Variants in RPE65 observed in about 807,000 individuals in gnomAD.
The protein encoded by RPE65 is retinoid isomerohydrolase.
RPE65 carries 58 observed loss-of-function variants against 68.5 expected under a neutral mutation model. The observed-to-expected ratio is 0.85, with a 90% CI of 0.69 to 1.05. RPE65 has a LOEUF of 1.05. Among genes scored for constraint, RPE65 ranks in the 50% least tolerant of loss-of-function variants. RPE65 has a pLI of 0.00. For synonymous variants in RPE65, 220 were observed against 222.2 expected (o/e 0.99, Z 0.09); for missense variants, 643 against 629.9 (o/e 1.02, Z -0.22).
chr1:68,429,937 A>C lies in RPE65; in HGVS notation c.1451-10T>G, dbSNP rs1488337473. ...ACACTCAGAACTACACCTGTTTATC[A>C]GAAGTAAATTAGGCAATATTGAGTT... is the stretch of plus-strand genomic sequence containing the variant. On this transcript the variant is annotated splice_polypyrimidine_tract_variant and intron_variant, in intron 13 of 13. Coordinates refer to ENST00000262340, the MANE Select transcript of RPE65 (RefSeq NM_000329.3). 1.2e-6 allele frequency: 2 copies of C among 1,613,506 alleles called. No homozygotes were observed. Among genetic ancestry groups the C allele is most frequent in the African/African-American group, 1.3e-5 (1 of 74,906 alleles).
chr1:68,440,727 T>C (rs1645896293), intron 6 of RPE65, 126 bp downstream of exon 6: 2 of 1,246,488 alleles, frequency 1.6e-6, no homozygotes, highest in Non-Finnish European at 2.3e-6. Flanking sequence ...GCAGTACTTC[T>C]GAAGTCTGAG....
At chr1:68,444,968 G>T in intron 3 of RPE65, 85 bp from the exon 4 acceptor site, 1 of 1,085,502 alleles carries the variant, frequency 9.2e-7, no homozygotes, top group Non-Finnish European at 1.4e-6. Flanking sequence ...CATTCTATGT[G>T]TCCTCATCAA....
chr1:68,433,025 T>C (rs1472548868), intron 10 of RPE65, among the ~76,000 whole-genome samples: 1 of 152,036 alleles, frequency 6.6e-6, no homozygotes, highest in Non-Finnish European at 1.5e-5. Flanking sequence ...ACAACAAAGA[T>C]AGGAACTACA....
chr1:68,440,521 A>G (rs900472665), intron 6 of RPE65, among the ~76,000 whole-genome samples: 3 of 152,224 alleles, frequency 2.0e-5, no homozygotes, highest in African/African-American at 7.2e-5. Flanking sequence ...AATTTTGCCT[A>G]GCACATGAAT....
Position 68,446,426 on chromosome 1 carries a change from A to C in RPE65, c.245+284T>G, listed in dbSNP as rs2148138. Among the ~76,000 whole-genome samples, 7,022 of 152,246 alleles carry C rather than the reference A, an allele frequency of 0.046. 303 individuals carry two copies. Among genetic ancestry groups the C allele is most frequent in the African/African-American group, 0.11 (4,645 of 41,516 alleles). On this transcript the variant is annotated intron_variant, in intron 3 of 13. Coordinates refer to ENST00000262340, the MANE Select transcript of RPE65 (RefSeq NM_000329.3). ...TACTAATTATAAAACCAAGAATTGGAGGTCAACATCTTGCCAAGGTTACCC... is the reference window on the plus strand; with the variant it reads ...TACTAATTATAAAACCAAGAATTGGCGGTCAACATCTTGCCAAGGTTACCC...
chr1:68,431,697 G>A (rs1343076862), intron 10 of RPE65, 112 bp from the exon 11 acceptor site: 1 of 863,500 alleles, frequency 1.2e-6, no homozygotes, highest in African/African-American at 1.7e-5. Context: ...AACATGCAGG[G>A]AGGAACTGCA....
At chr1:68,434,470 A>T (rs2100811977) in intron 10 of RPE65, among the ~76,000 whole-genome samples, 1 of 152,192 alleles carries the variant, frequency 6.6e-6, no homozygotes, top group African/African-American at 2.4e-5. Context: ...TTTTCAGAAT[A>T]GGGAAAGGAT....
At chr1:68,433,396 C>T (rs577417659) in intron 10 of RPE65, among the ~76,000 whole-genome samples, 1 of 152,072 alleles carries the variant, frequency 6.6e-6, no homozygotes, top group South Asian at 2.1e-4. Flanking sequence ...AGTGATTTCC[C>T]TGAGAATGTG....
At chr1:68,448,752 A>G in intron 1 of RPE65, 46 bp from the exon 2 acceptor site, 1 of 1,515,712 alleles carries the variant, frequency 6.6e-7, no homozygotes, top group African/African-American at 1.4e-5. Flanking sequence ...TGATGCTCAA[A>G]GTCCGCAGAG....
rs770615371 is a variant in RPE65 at position 68,431,299 on chromosome 1, G to T, written c.1321C>A (p.His441Asn). The T allele has an allele frequency of 6.2e-7, 1 of 1,613,936 alleles. No homozygotes were observed. The highest frequency in any genetic ancestry group is 1.1e-5 in the South Asian group (1 of 91,058). Residue 441 changes from histidine (H) to asparagine (N), a missense_variant, in exon 12 of 14, where the codon CAC (histidine) becomes AAC (asparagine). Coordinates refer to ENST00000262340, the MANE Select transcript of RPE65 (RefSeq NM_000329.3). ...TTAATTACCCTATCTGGAACAAAGT[G>T]ATTCAAGCCAAGTCCATACGCATAT... ...YTYAYGLGLNHFVPDRLCKLN... is the reference protein window; with the variant it reads ...YTYAYGLGLNNFVPDRLCKLN...
chr1:68,431,738 G>A (rs1372344472), intron 10 of RPE65, among the ~76,000 whole-genome samples, 153 bp from the exon 11 acceptor site: 3 of 151,960 alleles, frequency 2.0e-5, no homozygotes, highest in Non-Finnish European at 4.4e-5. Context: ...CCTGGGACGC[G>A]ACTGGGCAAG....
chr1:68,434,320 T>C (rs930849919), intron 10 of RPE65, among the ~76,000 whole-genome samples: 3 of 152,056 alleles, frequency 2.0e-5, no homozygotes, highest in Admixed American at 2.0e-4. Flanking sequence ...CCCTGGAAAT[T>C]ACTGTTGGGG....
intron 2 of RPE65, among the ~76,000 whole-genome samples, chr1:68,447,881 C>A (rs561089527): frequency 4.7e-5 from 7 of 149,566 alleles, no homozygotes; most frequent in Admixed American, 4.0e-4. Flanking sequence ...AACAAAAAAA[C>A]AAACAAAAAA....
chr1:68,448,000 G>A (rs900999161), intron 2 of RPE65, among the ~76,000 whole-genome samples: 6 of 152,164 alleles, frequency 3.9e-5, no homozygotes, highest in African/African-American at 1.2e-4. Flanking sequence ...AACTAATAAT[G>A]ATACTGATAG....
intron 5 of RPE65, 84 bp from the exon 6 acceptor site, chr1:68,441,084 C>G: frequency 6.8e-7 from 1 of 1,479,208 alleles, no homozygotes; most frequent in Non-Finnish European, 9.3e-7. Flanking sequence ...TCATCACTAC[C>G]CCTTGAACTC....
chr1:68,449,382 C>A (rs3118426), intron 1 of RPE65, among the ~76,000 whole-genome samples: 12,944 of 152,180 alleles, frequency 0.085, 567 homozygotes, highest in South Asian at 0.12. Context: ...ATCCTCTGTT[C>A]AGTTTCATGT....
chr1:68,449,787 T>TTAA, intron 1 of RPE65, 108 bp downstream of exon 1: 1 of 1,349,720 alleles, frequency 7.4e-7, no homozygotes, highest in Non-Finnish European at 1.1e-6. Context: ...TCAAGGGTCT[T>TTAA]TCCTAAACAG....
At position 68,429,885 on chromosome 1, in the gene RPE65, T is replaced by G; in HGVS notation, c.1493A>C (p.Lys498Thr). The change falls in exon 14 of 14, where the codon AAG becomes ACG. Residue 498 changes from lysine (K) to threonine (T), a missense_variant. Lys to Thr is a moderately conservative substitution (Grantham distance 78). Transcript: ENST00000262340. ...SVVVSPGAGQ[K>T]PAYLLILNAK... Reference sequence around the variant, plus strand: ...ATTCAGAATCAGGAGATAAGCAGGCTTTTGTCCTGCTCCTGGGCTCACCAC... The same window carrying G: ...ATTCAGAATCAGGAGATAAGCAGGCGTTTGTCCTGCTCCTGGGCTCACCAC... 6.2e-7 allele frequency: 1 copy of G among 1,613,882 alleles called. No homozygotes were observed. The highest frequency in any genetic ancestry group is 1.3e-5 in the African/African-American group (1 of 75,046).
At chr1:68,438,613 C>G (rs1178180054) in intron 9 of RPE65, among the ~76,000 whole-genome samples, 1 of 152,152 alleles carries the variant, frequency 6.6e-6, no homozygotes, top group Non-Finnish European at 1.5e-5. Context: ...TTTGGCTAGT[C>G]TGAAAAACGC....
Sources: gnomAD v4.1 joint callset for allele counts (sites outside exome capture counted in the v4.1 genomes callset) on GRCh38, gnomAD v4.1.1 for gene constraint, MANE v1.5 for transcripts, NCBI Gene and HGNC (gene_info 2026-07-23, HGNC 2026-07-21) for gene names.